INPP4A: variants seen among roughly 807,000 people sequenced by gnomAD.
The protein encoded by INPP4A is inositol polyphosphate-4-phosphatase type I A, also known as inositol polyphosphate-4-phosphatase, type I, 107kD.
In INPP4A, 33 loss-of-function variants were observed where a neutral mutation model predicts 119.8. The ratio of observed to expected loss-of-function variants is 0.28; its 90% CI spans 0.21 to 0.37. The LOEUF (loss-of-function observed/expected upper bound fraction) is 0.37. Ranked by LOEUF, INPP4A falls within the 10% of genes least tolerant of loss-of-function variation. The pLI is 1.00. For missense variants in INPP4A, 956 were observed against 1,289.9 expected (o/e 0.74, Z 3.97); for synonymous variants, 496 against 500.7 (o/e 0.99, Z 0.12).
At chr2:98,516,625 G>T (rs1395574949) in intron 1 of INPP4A, among the ~76,000 whole-genome samples, 1 of 152,184 alleles carries the variant, frequency 6.6e-6, no homozygotes, top group Non-Finnish European at 1.5e-5. Flanking sequence ...GCTGAGCAGG[G>T]CAGCAAGGCA....
intron 16 of INPP4A, among the ~76,000 whole-genome samples, chr2:98,558,568 A>C (rs1027356207): frequency 6.6e-6 from 1 of 152,144 alleles, no homozygotes; most frequent in Non-Finnish European, 1.5e-5. Flanking sequence ...TTTACAACCT[A>C]GGTTGTAAAA....
intron 1 of INPP4A, among the ~76,000 whole-genome samples, chr2:98,485,490 G>A (rs534891456): frequency 2.5e-4 from 38 of 152,164 alleles, no homozygotes; most frequent in Non-Finnish European, 4.9e-4. Context: ...AACATATCCA[G>A]CTTACTGCCC....
intron 7 of INPP4A, among the ~76,000 whole-genome samples, 186 bp from the exon 8 acceptor site, chr2:98,537,677 A>G (rs182971668): frequency 6.6e-5 from 10 of 152,162 alleles, no homozygotes; most frequent in African/African-American, 2.4e-4. Context: ...ACTGTGCCCC[A>G]TGGTTTCCTT....
chr2:98,582,302 GCAAA>G (rs1285708364), intron 24 of INPP4A, among the ~76,000 whole-genome samples: 3 of 152,206 alleles, frequency 2.0e-5, no homozygotes, highest in Non-Finnish European at 2.9e-5. Context: ...AATTACAGTA[GCAAA>G]CAGTTTGCAG....
intron 24 of INPP4A, among the ~76,000 whole-genome samples, chr2:98,578,316 G>A (rs1698762323): frequency 2.0e-5 from 3 of 152,188 alleles, no homozygotes; most frequent in Admixed American, 2.0e-4. Flanking sequence ...GCTGCACGGT[G>A]GTGGGAGGGG....
chr2:98,448,305 G>A (rs1184550922), intron 1 of INPP4A, among the ~76,000 whole-genome samples: 3 of 141,686 alleles, frequency 2.1e-5, no homozygotes, highest in Non-Finnish European at 4.5e-5. Context: ...GCAGTGAGCC[G>A]AGATCACACC....
chr2:98,469,499 C>CA (rs768218588), intron 1 of INPP4A, among the ~76,000 whole-genome samples: 1,733 of 106,044 alleles, frequency 0.016, 12 homozygotes, highest in Admixed American at 0.023. Flanking sequence ...GACTCCGTCT[C>CA]AAAAAAAAAA....
rs113873485 is a variant in INPP4A at position 98,486,460 on chromosome 2, C to A, written c.-165-32504C>A. On this transcript the variant is annotated intron_variant, in intron 1 of 24. Transcript: ENST00000409851. ...AAAGATGAGGCTTCACTTTTCCACA[C>A]CTTCCTGACCCTCCCTGTCCCCAAA... 3.8e-3 allele frequency among the ~76,000 whole-genome samples: 573 copies of A among 152,324 alleles called. 7 individuals are homozygous for A. The highest frequency in any genetic ancestry group is 0.013 in the African/African-American group (554 of 41,562).
chr2:98,449,394 A>G (rs1574442991), intron 1 of INPP4A, among the ~76,000 whole-genome samples: 1 of 152,294 alleles, frequency 6.6e-6, no homozygotes, highest in East Asian at 1.9e-4. Flanking sequence ...GCTTTATTCA[A>G]TAGATTATAG....
chr2:98,450,626 A>G (rs1695050193), intron 1 of INPP4A, among the ~76,000 whole-genome samples: 1 of 152,222 alleles, frequency 6.6e-6, no homozygotes, highest in Non-Finnish European at 1.5e-5. Context: ...GGGGGATTAA[A>G]TGAATTAACA....
At chr2:98,529,025 G>C (rs575236580) in intron 4 of INPP4A, among the ~76,000 whole-genome samples, 8 of 150,028 alleles carry the variant, frequency 5.3e-5, no homozygotes, top group African/African-American at 2.0e-4. Context: ...CTTGCTGTGA[G>C]CCGAGATCGC....
chr2:98,497,516 G>A (rs571772247), intron 1 of INPP4A, among the ~76,000 whole-genome samples: 2 of 152,206 alleles, frequency 1.3e-5, no homozygotes, highest in South Asian at 2.1e-4. Flanking sequence ...GCCAGGAGGG[G>A]GACTATACCC....
At chr2:98,487,997 T>A in intron 1 of INPP4A, among the ~76,000 whole-genome samples, 1 of 152,334 alleles carries the variant, frequency 6.6e-6, no homozygotes, top group East Asian at 1.9e-4. Context: ...GATTCTGTTT[T>A]AGTTGGATAT....
chr2:98,505,772 C>G (rs941043416), intron 1 of INPP4A, among the ~76,000 whole-genome samples: 2 of 152,176 alleles, frequency 1.3e-5, no homozygotes, highest in African/African-American at 2.4e-5. Context: ...CTTCCACTTT[C>G]CTGTTGAAAT....
At chr2:98,458,402 C>T (rs543743168) in intron 1 of INPP4A, among the ~76,000 whole-genome samples, 8 of 152,176 alleles carry the variant, frequency 5.3e-5, no homozygotes, top group South Asian at 2.1e-4. Context: ...GGAGTGGCTA[C>T]GGATAGGCAG....
intron 10 of INPP4A, among the ~76,000 whole-genome samples, chr2:98,540,391 C>T (rs1691188200): frequency 6.6e-6 from 1 of 152,182 alleles, no homozygotes; most frequent in Non-Finnish European, 1.5e-5. Context: ...ACTGTGGTCC[C>T]ATAAGGGTCT....
At chr2:98,550,618 C>T (rs1693335112) in intron 13 of INPP4A, among the ~76,000 whole-genome samples, 1 of 152,198 alleles carries the variant, frequency 6.6e-6, no homozygotes, top group African/African-American at 2.4e-5. Flanking sequence ...GTCTACACCT[C>T]CATCCTGCCG....
rs1266719613 is a variant in INPP4A at position 98,568,561 on chromosome 2, A to G, written c.2421-10A>G. On this transcript the variant is annotated splice_polypyrimidine_tract_variant and intron_variant, in intron 21 of 24. Transcript: ENST00000409851. ...TAGCCAACTAATGGCATCCCCTATA[A>G]CCTCCCAAGGTTTGGCGATACGTCT... is the stretch of plus-strand genomic sequence containing the variant. 2 of 1,523,880 alleles carry G rather than the reference A, an allele frequency of 1.3e-6. No individual in the cohort carries two copies. The highest frequency in any genetic ancestry group is 1.2e-5 in the South Asian group (1 of 85,022). The allele number at this position is 1,523,880 out of a possible 1,614,324, so 94.4% of individuals were successfully genotyped here.
Position 98,536,109 on chromosome 2 carries a change from C to CT in INPP4A, c.388-19dup. The CT allele has an allele frequency of 6.5e-7, 1 of 1,546,202 alleles. No individual in the cohort carries two copies. Among genetic ancestry groups the CT allele is most frequent in the Non-Finnish European group, 8.9e-7 (1 of 1,119,890 alleles). On this transcript the variant is annotated intron_variant, in intron 6 of 24. Transcript: ENST00000409851. ...CAAAGCAAGCGCACCAATGCTGCCT[C>CT]TCTTCCTTCTCTTCCTCAGATGTAT... is the stretch of plus-strand genomic sequence containing the variant.
Sources: allele counts gnomAD v4.1 joint callset (sites outside exome capture counted in the v4.1 genomes callset), GRCh38; gene constraint gnomAD v4.1.1; transcripts MANE v1.5; gene names NCBI Gene and HGNC (gene_info 2026-07-23, HGNC 2026-07-21).